CALCRL: variants seen among roughly 807,000 people sequenced by gnomAD.
CALCRL encodes calcitonin receptor like receptor.
A neutral mutation model predicts 60.4 loss-of-function variants in CALCRL; 27 were observed. That is an observed-to-expected ratio of 0.45 (90% CI 0.33 to 0.62). The LOEUF (loss-of-function observed/expected upper bound fraction) is 0.62. CALCRL is among the 20% of genes least tolerant of loss of function. The pLI is 0.03. For synonymous variants in CALCRL, 190 were observed against 182.6 expected, an observed-to-expected ratio of 1.04 and a Z score of -0.33; for missense variants, 424 against 540.7, an observed-to-expected ratio of 0.78 and a Z score of 2.14.
intron 12 of CALCRL, among the ~76,000 whole-genome samples, chr2:187,355,139 T>A (rs1686714933): frequency 1.3e-5 from 2 of 152,188 alleles, no homozygotes; most frequent in Admixed American, 6.6e-5. Flanking sequence ...TATAATACCC[T>A]GTGAGGTATA....
At chr2:187,355,458 A>AT (rs1401651847) in intron 12 of CALCRL, among the ~76,000 whole-genome samples, 2 of 152,132 alleles carry the variant, frequency 1.3e-5, no homozygotes, top group Non-Finnish European at 2.9e-5. Context: ...AATAAATTCT[A>AT]TAAGAATGGC....
chr2:187,345,172 A>G lies in CALCRL; in HGVS notation c.*1012T>C, dbSNP rs1686226260. 6.6e-6 allele frequency: 1 copy of G among 152,160 alleles called. No individual in the cohort carries two copies. The highest frequency in any genetic ancestry group is 1.5e-5 in the Non-Finnish European group (1 of 67,780). 9.4% of individuals were successfully genotyped at this position (152,160 alleles called of 1,614,324 possible). A position where few individuals can be genotyped will look rare whatever the true frequency, so the allele number is the denominator to read the frequency against. ...CAGTATCAGATATTAACATACACAC[A>G]TTGTTGCATTATATATTTGCTTTAA... On this transcript the variant is annotated 3_prime_UTR_variant, in exon 15 of 15. Coordinates refer to ENST00000392370, the MANE Select transcript of CALCRL (RefSeq NM_005795.6).
At position 187,351,977 on chromosome 2, in the gene CALCRL, A is replaced by G; in HGVS notation, c.1129-16T>C. On this transcript the variant is annotated splice_polypyrimidine_tract_variant and intron_variant, in intron 13 of 14. Coordinates refer to ENST00000392370, the MANE Select transcript of CALCRL (RefSeq NM_005795.6). The stretch of plus-strand genomic sequence containing the variant: ...CCAAAAGACCCTGTAAAAGAAAAAT[A>G]GAATGATCTGAATCCAAATGGAAAG... 2.5e-6 allele frequency: 4 copies of G among 1,596,158 alleles called. No individual in the cohort carries two copies. The highest frequency in any genetic ancestry group is 3.4e-6 in the Non-Finnish European group (4 of 1,165,684).
chr2:187,409,299 G>C (rs770796789), intron 1 of CALCRL, among the ~76,000 whole-genome samples: 3 of 152,124 alleles, frequency 2.0e-5, no homozygotes, highest in Non-Finnish European at 4.4e-5. Flanking sequence ...ATCAATAAAG[G>C]AAACGTTATT....
intron 1 of CALCRL, among the ~76,000 whole-genome samples, chr2:187,410,653 T>G (rs1689317354): frequency 6.6e-6 from 1 of 152,160 alleles, no homozygotes; most frequent in Admixed American, 6.5e-5. Flanking sequence ...ATAAACTGGT[T>G]TGAGCTAAGT....
chr2:187,345,998 TTTC>T lies in CALCRL; in HGVS notation c.*183_*185del, dbSNP rs144506821. 7.6e-4 allele frequency: 369 copies of T among 485,638 alleles called. 2 individuals carry two copies. Among genetic ancestry groups the T allele is most frequent in the African/African-American group, 6.8e-3 (343 of 50,250 alleles). The allele number at this position is 485,638 out of a possible 1,614,324, so 30.1% of individuals were successfully genotyped here. Reference sequence around the variant, plus strand: ...TACTGACAAACATTACAAACCAGGATTTCTTTTTTCCCACATAGAGCTGGATGT... The same window carrying T: ...TACTGACAAACATTACAAACCAGGATTTTTTTCCCACATAGAGCTGGATGT... On this transcript the variant is annotated 3_prime_UTR_variant, in exon 15 of 15. Coordinates refer to ENST00000392370, the MANE Select transcript of CALCRL (RefSeq NM_005795.6).
chr2:187,378,090 GAGA>G (rs893722635), intron 8 of CALCRL, among the ~76,000 whole-genome samples: 60 of 151,652 alleles, frequency 4.0e-4, no homozygotes, highest in African/African-American at 1.3e-3. Context: ...AAACAAGAAA[GAGA>G]AGGAGGAGGA....
At chr2:187,360,506 C>T in intron 10 of CALCRL, 92 bp downstream of exon 10, 1 of 1,041,138 alleles carries the variant, frequency 9.6e-7, no homozygotes, top group South Asian at 2.1e-5. Context: ...AAAATGATTA[C>T]TCATTGGTAT....
chr2:187,436,691 C>T (rs886747651), intron 1 of CALCRL: 1 of 152,168 alleles, frequency 6.6e-6, no homozygotes, highest in African/African-American at 2.4e-5. Context: ...GAAAATGGTA[C>T]CCACTGACAT....
At chr2:187,379,181 A>C (rs1217937241) in intron 7 of CALCRL, 150 bp from the exon 8 acceptor site, 3 of 456,392 alleles carry the variant, frequency 6.6e-6, no homozygotes, top group African/African-American at 5.9e-5. Flanking sequence ...TTTACAAACC[A>C]ATAAATACTT....
At chr2:187,348,107 A>T (rs1401343865) in intron 14 of CALCRL, among the ~76,000 whole-genome samples, 1 of 151,724 alleles carries the variant, frequency 6.6e-6, no homozygotes, top group Non-Finnish European at 1.5e-5. Flanking sequence ...CAAAAATTAA[A>T]CTTTCCTCTC....
In CALCRL at chr2:187,352,156, C is replaced by A. The variant is rs1686563256; in HGVS notation, c.1086G>T (p.Glu362Asp). Residue 362 changes from glutamate to aspartate, a missense_variant, in exon 13 of 15, where the codon GAG (glutamate) becomes GAT (aspartate). This residue lies in a region of CALCRL where 222 missense variants were observed against 265.6 expected (regional missense o/e 0.84). Transcript: ENST00000392370. Reference protein sequence around the residue: ...IPWRPEGKIAEEVYDYIMHIL... With the variant: ...IPWRPEGKIADEVYDYIMHIL... Reference sequence around the variant, plus strand: ...TGTGCATGATGTAGTCATATACCTCCTCTGCAATCTTTCCTTCAGGTCGCC... The same window carrying A: ...TGTGCATGATGTAGTCATATACCTCATCTGCAATCTTTCCTTCAGGTCGCC... 6.2e-7 allele frequency: 1 copy of A among 1,612,292 alleles called. No individual in the cohort carries two copies. The highest frequency in any genetic ancestry group is 1.7e-5 in the Admixed American group (1 of 59,792).
At position 187,358,524 on chromosome 2, in the gene CALCRL, C is replaced by A. The variant is rs186291892; in HGVS notation, c.909+539G>T. On this transcript the variant is annotated intron_variant, in intron 12 of 14. Coordinates refer to ENST00000392370, the MANE Select transcript of CALCRL (RefSeq NM_005795.6). ...TTTTTCTTATTTGTCACCTCCCACCCCCCCCTGCTAGATTCATCCTCTATT... is the reference window on the plus strand; with the variant it reads ...TTTTTCTTATTTGTCACCTCCCACCACCCCCTGCTAGATTCATCCTCTATT... Among the ~76,000 whole-genome samples, 1,195 of 149,728 alleles carry A rather than the reference C, an allele frequency of 8.0e-3. 4 individuals are homozygous for A. The highest frequency in any genetic ancestry group is 0.011 in the South Asian group (50 of 4,452).
intron 1 of CALCRL, among the ~76,000 whole-genome samples, chr2:187,446,041 TAATC>T (rs1190279679): frequency 6.6e-6 from 1 of 151,604 alleles, no homozygotes; most frequent in Non-Finnish European, 1.5e-5. Flanking sequence ...CTTGTAACAA[TAATC>T]AAAAACATTA....
intron 1 of CALCRL, among the ~76,000 whole-genome samples, chr2:187,435,158 G>C (rs1436393582): frequency 3.3e-5 from 5 of 152,112 alleles, no homozygotes. Flanking sequence ...AAAGAAAATA[G>C]GTTGAATTGG....
chr2:187,415,533 GT>G (rs1237956764), intron 1 of CALCRL: 3 of 422,830 alleles, frequency 7.1e-6, no homozygotes, highest in African/African-American at 2.1e-5. Context: ...ATCTAACAAT[GT>G]TTGGGACAGG....
chr2:187,415,585 C>G (rs927576506), intron 1 of CALCRL: 2 of 552,400 alleles, frequency 3.6e-6, no homozygotes, highest in Non-Finnish European at 3.4e-6. Flanking sequence ...GACCTGCCGT[C>G]TGGAAAAACC....
At chr2:187,395,150 C>T (rs1688604737) in intron 1 of CALCRL, among the ~76,000 whole-genome samples, 1 of 152,028 alleles carries the variant, frequency 6.6e-6, no homozygotes, top group Non-Finnish European at 1.5e-5. Context: ...TGGCCAAAGT[C>T]ACAAAGATGC....
chr2:187,436,620 G>A (rs1431206223), intron 1 of CALCRL: 1 of 152,166 alleles, frequency 6.6e-6, no homozygotes, highest in East Asian at 1.9e-4. Flanking sequence ...CGAAAAGGCA[G>A]ATAAGGCTTT....
Sources: allele counts gnomAD v4.1 joint callset (sites outside exome capture counted in the v4.1 genomes callset), GRCh38; gene constraint gnomAD v4.1.1; regional missense constraint gnomAD v4.1.1; transcripts MANE v1.5; gene names NCBI Gene and HGNC (gene_info 2026-07-23, HGNC 2026-07-21).